MAP2K2: variants seen among roughly 807,000 people sequenced by gnomAD.
MAP2K2 encodes the protein mitogen-activated protein kinase kinase 2, also known as dual specificity mitogen-activated protein kinase kinase 2.
MAP2K2 carries 24 observed loss-of-function variants against 43.7 expected under a neutral mutation model. That is an observed-to-expected ratio of 0.55 (90% confidence interval 0.40 to 0.77). The LOEUF (loss-of-function observed/expected upper bound fraction) is 0.77. MAP2K2 is among the 30% of genes least tolerant of loss of function. The pLI, the probability that MAP2K2 is intolerant of heterozygous loss-of-function variation, is 0.00. For synonymous variants in MAP2K2, 244 were observed against 239.7 expected (o/e 1.02, Z -0.17); for missense variants, 470 against 566.8 (o/e 0.83, Z 1.73).
At chr19:4,116,393 G>A (rs1184507270) in intron 2 of MAP2K2, among the ~76,000 whole-genome samples, 1 of 152,074 alleles carries the variant, frequency 6.6e-6, no homozygotes, top group Non-Finnish European at 1.5e-5. Flanking sequence ...AACTGGGTGT[G>A]GTGGCATGCA....
chr19:4,094,732 G>A (rs2040891469), intron 9 of MAP2K2: 1 of 567,344 alleles, frequency 1.8e-6, no homozygotes, highest in Non-Finnish European at 3.2e-6. Context: ...AGGGTGAGAG[G>A]GAAAGAGGGT....
intron 1 of MAP2K2, among the ~76,000 whole-genome samples, chr19:4,119,615 A>G (rs1016334210): frequency 1.2e-4 from 19 of 152,216 alleles, no homozygotes; most frequent in African/African-American, 4.1e-4. Flanking sequence ...AATGTTTCAC[A>G]CTGTTTCCGT....
intron 9 of MAP2K2, 44 bp downstream of exon 9, chr19:4,095,344 A>G: frequency 6.5e-7 from 1 of 1,535,808 alleles, no homozygotes; most frequent in Non-Finnish European, 8.8e-7. Flanking sequence ...GGAGTGGCAC[A>G]TCTGGGTCCC....
At chr19:4,112,259 G>A (rs572450655) in intron 2 of MAP2K2, among the ~76,000 whole-genome samples, 3 of 152,228 alleles carry the variant, frequency 2.0e-5, no homozygotes, top group Non-Finnish European at 2.9e-5. Context: ...GGTCAGGACG[G>A]GAACAGGAAT....
intron 1 of MAP2K2, among the ~76,000 whole-genome samples, chr19:4,123,153 C>T (rs1286089138): frequency 6.6e-6 from 1 of 151,936 alleles, no homozygotes; most frequent in Non-Finnish European, 1.5e-5. Context: ...TACTCAAGGA[C>T]CCCACACTGT....
chr19:4,091,118 G>C (rs1188067954), intron 10 of MAP2K2, among the ~76,000 whole-genome samples: 1 of 152,192 alleles, frequency 6.6e-6, no homozygotes, highest in African/African-American at 2.4e-5. Context: ...TCCATGCCAG[G>C]GGCTTCCCCA....
intron 1 of MAP2K2, among the ~76,000 whole-genome samples, chr19:4,122,954 C>CTCTTAGAGA: frequency 6.6e-6 from 1 of 151,072 alleles, no homozygotes; most frequent in African/African-American, 2.4e-5. Context: ...CCATCCTCTC[C>CTCTTAGAGA]CCTCTGGAGC....
intron 2 of MAP2K2, 123 bp downstream of exon 2, chr19:4,117,296 G>A (rs1226416968): frequency 1.0e-6 from 1 of 954,724 alleles, no homozygotes; most frequent in Non-Finnish European, 1.6e-6. Flanking sequence ...CCCTGGTGGG[G>A]ATGAGGGACA....
At chr19:4,112,993 C>A (rs1675498635) in intron 2 of MAP2K2, among the ~76,000 whole-genome samples, 1 of 152,210 alleles carries the variant, frequency 6.6e-6, no homozygotes, top group South Asian at 2.1e-4. Flanking sequence ...CACGTCCGGA[C>A]TGACCGCATT....
At chr19:4,090,998 C>T (rs2040849724) in intron 10 of MAP2K2, among the ~76,000 whole-genome samples, 1 of 152,236 alleles carries the variant, frequency 6.6e-6, no homozygotes, top group Admixed American at 6.5e-5. Flanking sequence ...TACGCTCGCG[C>T]AAGCCCAGGG....
At chr19:4,106,810 G>A (rs1194902892) in intron 3 of MAP2K2, among the ~76,000 whole-genome samples, 2 of 152,240 alleles carry the variant, frequency 1.3e-5, no homozygotes, top group African/African-American at 4.8e-5. Flanking sequence ...CTTTGCCACT[G>A]CAAAGCAGCC....
chr19:4,122,301 C>G (rs1227215341), intron 1 of MAP2K2, among the ~76,000 whole-genome samples: 1 of 101,068 alleles, frequency 9.9e-6, no homozygotes, highest in Non-Finnish European at 2.1e-5. Context: ...ATCTCTCCCC[C>G]ACAGGGACCC....
At chr19:4,100,898 C>G (rs903265553) in intron 6 of MAP2K2, 121 bp downstream of exon 6, 2 of 1,167,132 alleles carry the variant, frequency 1.7e-6, no homozygotes, top group Admixed American at 2.1e-5. Flanking sequence ...GGAGGGACAG[C>G]TGCGCAGGAG....
At chr19:4,110,719 G>C (rs1043154060) in intron 2 of MAP2K2, 64 bp from the exon 3 acceptor site, 15 of 1,569,152 alleles carry the variant, frequency 9.6e-6, no homozygotes, top group Non-Finnish European at 1.2e-5. Flanking sequence ...AGGCATTTGG[G>C]GCCTCTGCTC....
intron 3 of MAP2K2, among the ~76,000 whole-genome samples, chr19:4,105,667 C>T (rs1201817416): frequency 6.6e-6 from 1 of 152,104 alleles, no homozygotes; most frequent in Non-Finnish European, 1.5e-5. Context: ...TTATATTGTT[C>T]CAGATCTTTC....
In MAP2K2 at chr19:4,123,931, G is replaced by C. The variant is rs2145090312; in HGVS notation, c.-56C>G. On this transcript the variant is annotated 5_prime_UTR_variant, in exon 1 of 11. Transcript: ENST00000262948. ...CTCTAGCCGGGGCCCATAGGGGGCG[G>C]GCCGGGAGCGGTCGGCGCCTACGCG... 1.9e-6 allele frequency: 2 copies of C among 1,051,130 alleles called. No homozygotes were observed. The highest frequency in any genetic ancestry group is 9.4e-5 in the Admixed American group (2 of 21,170). 65.1% of individuals were successfully genotyped at this position (1,051,130 alleles called of 1,614,324 possible).
intron 7 of MAP2K2, among the ~76,000 whole-genome samples, chr19:4,098,228 C>T (rs2040949040): frequency 6.6e-6 from 1 of 152,142 alleles, no homozygotes. Context: ...AGTGTGTGAC[C>T]CCATTTCTGT....
intron 9 of MAP2K2, chr19:4,094,994 G>C: frequency 2.8e-6 from 1 of 355,436 alleles, no homozygotes; most frequent in South Asian, 3.9e-5. Flanking sequence ...CACAGGTGCT[G>C]CTGGGTGCTT....
Position 4,102,841 on chromosome 19 carries a change from G to A in MAP2K2, c.451-388C>T, listed in dbSNP as rs570410795. 1.7e-4 allele frequency: 199 copies of A among 1,193,774 alleles called. 2 individuals carry two copies. The highest frequency in any genetic ancestry group is 1.6e-3 in the South Asian group (96 of 61,634). 73.9% of individuals were successfully genotyped at this position (1,193,774 alleles called of 1,614,324 possible). A position where few individuals can be genotyped will look rare whatever the true frequency, so the allele number is the denominator to read the frequency against. On this transcript the variant is annotated intron_variant, in intron 3 of 10. Transcript: ENST00000262948. ...CGTGGTGGGCTTGTCTGTGCGCCAC[G>A]GGAGGCGGCCAGGCTGGAGACCAGC...
Sources: gnomAD v4.1 joint callset for allele counts (sites outside exome capture counted in the v4.1 genomes callset) on GRCh38, gnomAD v4.1.1 for gene constraint, MANE v1.5 for transcripts, NCBI Gene and HGNC (gene_info 2026-07-23, HGNC 2026-07-21) for gene names.